Variants in ELAPOR2 observed in about 807,000 individuals in gnomAD.
ELAPOR2 encodes the protein endosome-lysosome associated apoptosis and autophagy regulator family member 2.
In ELAPOR2, 89 loss-of-function variants were observed where a neutral mutation model predicts 120.7. The ratio of observed to expected loss-of-function variants is 0.74; its 90% confidence interval spans 0.62 to 0.88. The LOEUF (loss-of-function observed/expected upper bound fraction) is 0.88, where lower values mean the gene tolerates loss of function less well. Ranked by LOEUF, ELAPOR2 falls within the 40% of genes least tolerant of loss-of-function variation. ELAPOR2 has a pLI of 0.00. For missense variants in ELAPOR2, 1,134 were observed against 1,251.6 expected, an observed-to-expected ratio of 0.91 and a Z score of 1.42; for synonymous variants, 444 against 444.9, an observed-to-expected ratio of 1.00 and a Z score of 0.03.
intron 1 of ELAPOR2, among the ~76,000 whole-genome samples, chr7:86,998,677 G>C (rs1793206041): frequency 6.6e-6 from 1 of 152,190 alleles, no homozygotes; most frequent in South Asian, 2.1e-4. Flanking sequence ...TCAAATGTCT[G>C]TGGAGCATCC....
intron 1 of ELAPOR2, among the ~76,000 whole-genome samples, chr7:87,019,469 T>C (rs1423694559): frequency 1.3e-5 from 2 of 152,302 alleles, no homozygotes; most frequent in Non-Finnish European, 2.9e-5. Flanking sequence ...CAGCCCATTA[T>C]ATTTTTCAAA....
chr7:87,013,598 T>G (rs1793766217), intron 1 of ELAPOR2, among the ~76,000 whole-genome samples: 1 of 152,072 alleles, frequency 6.6e-6, no homozygotes, highest in South Asian at 2.1e-4. Flanking sequence ...AAGATTATGG[T>G]GAATTATAAG....
intron 1 of ELAPOR2, among the ~76,000 whole-genome samples, chr7:87,015,967 A>G (rs1277062736): frequency 6.6e-6 from 1 of 152,126 alleles, no homozygotes; most frequent in Non-Finnish European, 1.5e-5. Context: ...TTTCCTTTCC[A>G]GGTAACAAAT....
At chr7:87,006,361 A>T (rs4728659) in intron 1 of ELAPOR2, among the ~76,000 whole-genome samples, 54,391 of 148,594 alleles carry the variant, frequency 0.37, 10,580 homozygotes, top group African/African-American at 0.49. Flanking sequence ...TGTCACAATA[A>T]AAAGGCCTGT....
chr7:87,000,416 A>T (rs973168045), intron 1 of ELAPOR2, among the ~76,000 whole-genome samples: 1 of 152,118 alleles, frequency 6.6e-6, no homozygotes, highest in Non-Finnish European at 1.5e-5. Flanking sequence ...ATGTAAATAC[A>T]ATTCCTGCCA....
chr7:86,938,405 T>C (rs1562932684), intron 7 of ELAPOR2, among the ~76,000 whole-genome samples, 191 bp from the exon 8 acceptor site: 1 of 152,130 alleles, frequency 6.6e-6, no homozygotes, highest in Non-Finnish European at 1.5e-5. Context: ...TAAGTGTTTC[T>C]ATGATACACA....
intron 1 of ELAPOR2, among the ~76,000 whole-genome samples, chr7:87,006,550 G>C (rs1303816172): frequency 6.6e-6 from 1 of 152,026 alleles, no homozygotes; most frequent in Non-Finnish European, 1.5e-5. Context: ...GAAAGAAAAA[G>C]ACTGAAAACT....
rs777313500 is a variant in ELAPOR2 at position 86,926,720 on chromosome 7, C to T, written c.1270+16G>A. On this transcript the variant is annotated intron_variant, in intron 9 of 21. Transcript: ENST00000450689. ...TTTTGCTAAAGGCCCAGTTATTGGA[C>T]CAATTGACATCCTACCTTTGGTTCC... 8 of 1,594,296 alleles carry T rather than the reference C, an allele frequency of 5.0e-6. 1 individual carries two copies. In the South Asian group the frequency reaches 9.1e-5, roughly 18 times the overall value.
At chr7:86,889,668 T>G (rs1788041501) in intron 21 of ELAPOR2, among the ~76,000 whole-genome samples, 1 of 152,088 alleles carries the variant, frequency 6.6e-6, no homozygotes, top group African/African-American at 2.4e-5. Flanking sequence ...TTCCATGTAA[T>G]GTTTGCAGAC....
intron 1 of ELAPOR2, among the ~76,000 whole-genome samples, chr7:87,024,001 T>C (rs987750555): frequency 6.6e-6 from 1 of 152,202 alleles, no homozygotes; most frequent in Non-Finnish European, 1.5e-5. Flanking sequence ...TACAATCATG[T>C]CATCCGCAAA....
At chr7:86,995,589 C>G (rs1446779913) in intron 1 of ELAPOR2, among the ~76,000 whole-genome samples, 2 of 152,154 alleles carry the variant, frequency 1.3e-5, no homozygotes, top group African/African-American at 4.8e-5. Flanking sequence ...TAAGACCTGG[C>G]TCCCTGTTAT....
chr7:86,884,187 G>C (rs1362712835), intron 21 of ELAPOR2, among the ~76,000 whole-genome samples: 1 of 152,142 alleles, frequency 6.6e-6, no homozygotes, highest in Non-Finnish European at 1.5e-5. Context: ...TCACTACCCT[G>C]AATCTTCTCA....
At chr7:86,971,103 G>A (rs955266722) in intron 1 of ELAPOR2, among the ~76,000 whole-genome samples, 4 of 151,982 alleles carry the variant, frequency 2.6e-5, no homozygotes, top group African/African-American at 7.2e-5. Flanking sequence ...GCTCTCAATC[G>A]CTGTAAAAAA....
chr7:86,955,958 C>CAAA (rs111479978), intron 2 of ELAPOR2, among the ~76,000 whole-genome samples: 30 of 110,866 alleles, frequency 2.7e-4, no homozygotes, highest in African/African-American at 7.4e-4. Flanking sequence ...CTGCAAAAAA[C>CAAA]AAAAAAAAAA....
chr7:86,895,527 C>T (rs780903304), intron 19 of ELAPOR2, among the ~76,000 whole-genome samples: 1 of 151,976 alleles, frequency 6.6e-6, no homozygotes. Context: ...TTATAAATTT[C>T]AACATGTCAA....
intron 1 of ELAPOR2, among the ~76,000 whole-genome samples, chr7:87,005,535 T>C (rs917791635): frequency 6.6e-6 from 1 of 152,180 alleles, no homozygotes; most frequent in Non-Finnish European, 1.5e-5. Flanking sequence ...TGTAGGTTTT[T>C]ATGAATACTG....
intron 2 of ELAPOR2, among the ~76,000 whole-genome samples, chr7:86,964,568 T>C (rs1024785980): frequency 8.5e-5 from 13 of 152,194 alleles, no homozygotes; most frequent in Non-Finnish European, 1.8e-4. Flanking sequence ...ATGGTAAATT[T>C]TAAGTTATGT....
intron 1 of ELAPOR2, 72 bp downstream of exon 1, chr7:87,059,253 G>C (rs1328500510): frequency 8.1e-7 from 1 of 1,240,202 alleles, no homozygotes; most frequent in African/African-American, 1.6e-5. Context: ...AAATAAACAG[G>C]AACCGCTCTC....
chr7:86,968,535 G>T (rs1454600163), intron 1 of ELAPOR2, among the ~76,000 whole-genome samples: 1 of 152,110 alleles, frequency 6.6e-6, no homozygotes, highest in Non-Finnish European at 1.5e-5. Flanking sequence ...CATTTCTATG[G>T]ACAAAAATCA....
Sources: gnomAD v4.1 joint callset for allele counts (sites outside exome capture counted in the v4.1 genomes callset) on GRCh38, gnomAD v4.1.1 for gene constraint, MANE v1.5 for transcripts, NCBI Gene and HGNC (gene_info 2026-07-23, HGNC 2026-07-21) for gene names.